The following DTNB variants were observed in gnomAD, a reference collection of about 807,000 sequenced individuals.
The protein encoded by DTNB is dystrobrevin beta.
DTNB carries 63 observed loss-of-function variants against 90.7 expected under a neutral mutation model. The observed-to-expected ratio is 0.69, with a 90% CI of 0.57 to 0.86. The LOEUF (loss-of-function observed/expected upper bound fraction) is 0.86. Among genes scored for constraint, DTNB ranks in the 40% least tolerant of loss-of-function variants. DTNB has a pLI of 0.00. For synonymous variants in DTNB, 277 were observed against 286.7 expected, an observed-to-expected ratio of 0.97 and a Z score of 0.34; for missense variants, 744 against 807.1, an observed-to-expected ratio of 0.92 and a Z score of 0.95.
At position 25,455,453 on chromosome 2, in the gene DTNB, T is replaced by G; in HGVS notation, c.1121A>C (p.Glu374Ala). ...SQDIPSHLAD[E>A]HALIASYVAR... ...CACATAGGAGGCTATCAGCGCATGC[T>G]CATCGGCCAAGTGACTGGGTATATC... The change falls in exon 11 of 21, where the codon GAG becomes GCG. Residue 374 changes from glutamate to alanine, a missense_variant. Transcript: ENST00000406818. 1 of 1,607,718 alleles carries G rather than the reference T, an allele frequency of 6.2e-7. No individual in the cohort carries two copies. Among genetic ancestry groups the G allele is most frequent in the Non-Finnish European group, 8.5e-7 (1 of 1,177,264 alleles).
intron 14 of DTNB, among the ~76,000 whole-genome samples, chr2:25,429,395 CT>C (rs1173880491): frequency 2.6e-5 from 4 of 152,154 alleles, no homozygotes; most frequent in Non-Finnish European, 4.4e-5. Flanking sequence ...CACCTCCTAT[CT>C]TATGCCCTTT....
At chr2:25,418,170 C>T (rs1574098888) in intron 16 of DTNB, among the ~76,000 whole-genome samples, 1 of 152,258 alleles carries the variant, frequency 6.6e-6, no homozygotes, top group South Asian at 2.1e-4. Context: ...CACTTTGGTT[C>T]CACGAAAGCC....
At chr2:25,426,443 G>A (rs1011225095) in intron 15 of DTNB, 3 of 152,206 alleles carry the variant, frequency 2.0e-5, no homozygotes, top group Non-Finnish European at 4.4e-5. Flanking sequence ...TACTGCTGAT[G>A]ATCATTTGGA....
chr2:25,625,550 C>T (rs938704015), intron 4 of DTNB, among the ~76,000 whole-genome samples: 1 of 93,364 alleles, frequency 1.1e-5, no homozygotes, highest in Non-Finnish European at 2.0e-5. Flanking sequence ...TTAACTCACT[C>T]ATTTTTTTTT....
chr2:25,382,519 CTTTTTT>C (rs3041261), intron 19 of DTNB, among the ~76,000 whole-genome samples: 36 of 72,042 alleles, frequency 5.0e-4, no homozygotes, highest in Middle Eastern at 0.014. Context: ...AGTTCTCTGC[CTTTTTT>C]TTTTTTTTTT....
At chr2:25,571,045 C>T (rs890073677) in intron 8 of DTNB, among the ~76,000 whole-genome samples, 15 of 152,198 alleles carry the variant, frequency 9.9e-5, no homozygotes, top group African/African-American at 3.6e-4. Flanking sequence ...CATCTAAATG[C>T]TCTCCATCCA....
At chr2:25,649,882 T>C (rs2080476351) in intron 2 of DTNB, 1 of 300,468 alleles carries the variant, frequency 3.3e-6, no homozygotes, top group South Asian at 1.3e-4. Flanking sequence ...GATTCTGGCA[T>C]CCATAGAAAG....
intron 12 of DTNB, among the ~76,000 whole-genome samples, chr2:25,438,426 A>G (rs1434573121): frequency 1.3e-5 from 2 of 152,190 alleles, no homozygotes; most frequent in Admixed American, 6.5e-5. Flanking sequence ...TGGGTTGGAC[A>G]AGCTTGGTCT....
At chr2:25,455,290 C>T (rs1342628545) in intron 11 of DTNB, 115 bp downstream of exon 11, 1 of 909,234 alleles carries the variant, frequency 1.1e-6, no homozygotes, top group Non-Finnish European at 1.6e-6. Flanking sequence ...TAGCTGGTAG[C>T]TGCTCAAGAA....
At position 25,488,042 on chromosome 2, in the gene DTNB, A is replaced by G. The variant is rs533089348; in HGVS notation, c.1002-5169T>C. Among the ~76,000 whole-genome samples, 4 of 152,330 alleles carry G rather than the reference A, an allele frequency of 2.6e-5. No individual in the cohort carries two copies. The South Asian group carries it at 8.3e-4, about 32-fold the overall frequency. ...AATCCTCTGAAAAGCTTTCTGTAAG[A>G]TAAGATACCCAAGCCCTACCCTCAG... On this transcript the variant is annotated intron_variant, in intron 9 of 20. Coordinates refer to ENST00000406818, the MANE Select transcript of DTNB (RefSeq NM_021907.5).
At chr2:25,486,485 T>C (rs114032913) in intron 9 of DTNB, among the ~76,000 whole-genome samples, 132 of 151,890 alleles carry the variant, frequency 8.7e-4, no homozygotes, top group African/African-American at 3.1e-3. Context: ...AAAATAAAAA[T>C]GAGTCTGGCA....
At chr2:25,388,427 T>C in intron 16 of DTNB, 66 bp from the exon 17 acceptor site, 1 of 1,520,050 alleles carries the variant, frequency 6.6e-7, no homozygotes. Context: ...AGGAAGAAAG[T>C]ACTTTTTCTC....
At chr2:25,507,684 T>G (rs2150640536) in intron 9 of DTNB, among the ~76,000 whole-genome samples, 1 of 152,334 alleles carries the variant, frequency 6.6e-6, no homozygotes, top group South Asian at 2.1e-4. Context: ...TGCTTTAGTC[T>G]ATTCTCTACA....
At chr2:25,652,570 T>C (rs778354002) in intron 2 of DTNB, 24 bp downstream of exon 2, 33 of 1,541,244 alleles carry the variant, frequency 2.1e-5, no homozygotes, top group Non-Finnish European at 2.9e-5. Flanking sequence ...TTCCCGCACA[T>C]ATGAACAAGG....
At chr2:25,557,055 G>A (rs1375135205) in intron 8 of DTNB, among the ~76,000 whole-genome samples, 2 of 152,182 alleles carry the variant, frequency 1.3e-5, no homozygotes, top group Non-Finnish European at 2.9e-5. Context: ...CAGTTCTCTG[G>A]CACTCAAATG....
intron 1 of DTNB, among the ~76,000 whole-genome samples, chr2:25,666,565 T>C (rs1025754188): frequency 2.0e-5 from 3 of 152,228 alleles, no homozygotes; most frequent in Non-Finnish European, 4.4e-5. Context: ...GCTTGGCTAA[T>C]TAAATCTTCT....
In DTNB at chr2:25,538,814, A is replaced by AT. The variant is rs1289364668; in HGVS notation, c.877-7218dup. Among the ~76,000 whole-genome samples, 6 of 152,176 alleles carry AT rather than the reference A, an allele frequency of 3.9e-5. 1 individual carries two copies. Among genetic ancestry groups the AT allele is most frequent in the African/African-American group, 1.4e-4 (6 of 41,432 alleles). On this transcript the variant is annotated intron_variant, in intron 8 of 20. Coordinates refer to ENST00000406818, the MANE Select transcript of DTNB (RefSeq NM_021907.5). ...ACCTACCCACTATTCTGCCTGTGAA[A>AT]TAGAACATTAGTCACTCTGAAGACT... is the stretch of plus-strand genomic sequence containing the variant.
At chr2:25,585,094 A>C (rs1411547745) in intron 6 of DTNB, among the ~76,000 whole-genome samples, 1 of 152,124 alleles carries the variant, frequency 6.6e-6, no homozygotes, top group Admixed American at 6.6e-5. Flanking sequence ...TGAGTTGAAC[A>C]CATTCTTTGC....
intron 16 of DTNB, among the ~76,000 whole-genome samples, chr2:25,408,538 C>CAAAAAAAA (rs11395783): frequency 9.2e-5 from 3 of 32,724 alleles, no homozygotes; most frequent in Admixed American, 3.9e-4. Flanking sequence ...GACTCCATCT[C>CAAAAAAAA]AAAAAAAAAA....
Sources: gnomAD v4.1 joint callset for allele counts (sites outside exome capture counted in the v4.1 genomes callset) on GRCh38, gnomAD v4.1.1 for gene constraint, MANE v1.5 for transcripts, NCBI Gene and HGNC (gene_info 2026-07-23, HGNC 2026-07-21) for gene names.